KHDRBS3: variants seen among roughly 807,000 people sequenced by gnomAD.
The protein encoded by KHDRBS3 is KH domain-containing, RNA-binding, signal transduction-associated protein 3.
Under a neutral mutation model 45.6 loss-of-function variants are expected in KHDRBS3, and 23 were observed. The observed-to-expected ratio is 0.50, with a 90% CI of 0.36 to 0.72. The LOEUF (loss-of-function observed/expected upper bound fraction) is 0.72. KHDRBS3 is among the 30% of genes least tolerant of loss of function. The pLI, the probability that KHDRBS3 is intolerant of heterozygous loss-of-function variation, is 0.00. For synonymous variants in KHDRBS3, 162 were observed against 156.5 expected (o/e 1.04, Z -0.26); for missense variants, 352 against 424.8 (o/e 0.83, Z 1.51).
intron 6 of KHDRBS3, among the ~76,000 whole-genome samples, chr8:135,594,436 C>CA (rs1310075555): frequency 2.6e-5 from 4 of 152,140 alleles, no homozygotes; most frequent in Non-Finnish European, 5.9e-5. Context: ...TGACCTTACT[C>CA]AAATTGCTCA....
At chr8:135,575,096 A>G (rs1348302486) in intron 5 of KHDRBS3, among the ~76,000 whole-genome samples, 1 of 152,184 alleles carries the variant, frequency 6.6e-6, no homozygotes, top group African/African-American at 2.4e-5. Flanking sequence ...ACCAATTGTT[A>G]TGGTCTAGGA....
chr8:135,645,779 G>A (rs1297387707), intron 8 of KHDRBS3, among the ~76,000 whole-genome samples: 1 of 152,226 alleles, frequency 6.6e-6, no homozygotes, highest in African/African-American at 2.4e-5. Flanking sequence ...AAGAGCCCTT[G>A]CCGCAGGGCA....
At chr8:135,563,994 G>A (rs1186910719) in intron 5 of KHDRBS3, among the ~76,000 whole-genome samples, 1 of 152,200 alleles carries the variant, frequency 6.6e-6, no homozygotes, top group Non-Finnish European at 1.5e-5. Flanking sequence ...GGTGCTTAAT[G>A]TAGTGGTTTT....
chr8:135,623,396 C>A (rs1221231517), intron 7 of KHDRBS3, among the ~76,000 whole-genome samples: 1 of 152,146 alleles, frequency 6.6e-6, no homozygotes, highest in East Asian at 1.9e-4. Flanking sequence ...GCGAGCCGCA[C>A]AGTAAACCTT....
intron 6 of KHDRBS3, among the ~76,000 whole-genome samples, chr8:135,601,735 T>G (rs1179302900): frequency 6.6e-6 from 1 of 152,226 alleles, no homozygotes; most frequent in African/African-American, 2.4e-5. Context: ...TAAGAGTAGA[T>G]TCTAAGCTTA....
intron 7 of KHDRBS3, among the ~76,000 whole-genome samples, chr8:135,626,554 A>G (rs1830369979): frequency 1.3e-5 from 2 of 152,032 alleles, no homozygotes; most frequent in African/African-American, 4.8e-5. Context: ...CTGTAATCCC[A>G]GCACTTTGGG....
chr8:135,459,264 C>T (rs1821300067), intron 1 of KHDRBS3, among the ~76,000 whole-genome samples: 1 of 151,914 alleles, frequency 6.6e-6, no homozygotes, highest in South Asian at 2.1e-4. Context: ...TGTGGTTGAC[C>T]GATGGTGGAG....
chr8:135,473,084 C>T (rs1157940674), intron 1 of KHDRBS3, among the ~76,000 whole-genome samples: 2 of 147,238 alleles, frequency 1.4e-5, no homozygotes, highest in Admixed American at 1.4e-4. Flanking sequence ...AATCTTAAAA[C>T]TCATTACTTC....
At chr8:135,585,023 A>G (rs887850572) in intron 6 of KHDRBS3, among the ~76,000 whole-genome samples, 3 of 151,374 alleles carry the variant, frequency 2.0e-5, no homozygotes, top group African/African-American at 7.3e-5. Context: ...GGAGTTCAAG[A>G]CCAGCCTGGC....
intron 7 of KHDRBS3, among the ~76,000 whole-genome samples, chr8:135,633,814 A>G (rs1176058837): frequency 6.6e-6 from 1 of 152,192 alleles, no homozygotes; most frequent in African/African-American, 2.4e-5. Flanking sequence ...CAGCCTCCCC[A>G]TTATCCACAT....
chr8:135,470,095 C>T (rs1466297165), intron 1 of KHDRBS3, among the ~76,000 whole-genome samples: 1 of 152,178 alleles, frequency 6.6e-6, no homozygotes, highest in African/African-American at 2.4e-5. Context: ...ATTCGTCTTC[C>T]TCTCTGTGAG....
At chr8:135,615,601 G>A (rs1278653979) in intron 7 of KHDRBS3, among the ~76,000 whole-genome samples, 1 of 152,168 alleles carries the variant, frequency 6.6e-6, no homozygotes. Context: ...TACATGGGCA[G>A]ACTTCTTAAA....
intron 7 of KHDRBS3, among the ~76,000 whole-genome samples, chr8:135,642,875 G>A (rs187997949): frequency 6.6e-6 from 1 of 150,674 alleles, no homozygotes; most frequent in African/African-American, 2.4e-5. Flanking sequence ...TCACTGCAAC[G>A]TCCGCCTCCT....
chr8:135,534,465 T>C (rs1825634821), intron 2 of KHDRBS3, among the ~76,000 whole-genome samples: 1 of 152,192 alleles, frequency 6.6e-6, no homozygotes, highest in Non-Finnish European at 1.5e-5. Context: ...TTACATGCTG[T>C]TCTAGACAGT....
chr8:135,502,970 C>T (rs1020132722), intron 1 of KHDRBS3, among the ~76,000 whole-genome samples: 7 of 152,168 alleles, frequency 4.6e-5, no homozygotes, highest in Non-Finnish European at 4.4e-5. Flanking sequence ...TCACACTAGT[C>T]ACCTTTCAAG....
At chr8:135,533,114 G>T (rs1450913430) in intron 2 of KHDRBS3, among the ~76,000 whole-genome samples, 1 of 152,136 alleles carries the variant, frequency 6.6e-6, no homozygotes, top group Non-Finnish European at 1.5e-5. Flanking sequence ...TTTGCTTTCA[G>T]TGTACTGGGG....
intron 7 of KHDRBS3, 39 bp from the exon 8 acceptor site, chr8:135,645,020 A>G (rs1463267989): frequency 1.2e-6 from 2 of 1,602,364 alleles, no homozygotes; most frequent in African/African-American, 1.3e-5. Context: ...ACTCACAGCC[A>G]GATGATTTTG....
At chr8:135,625,555 A>G in intron 7 of KHDRBS3, 3 of 921,820 alleles carry the variant, frequency 3.3e-6, no homozygotes, top group East Asian at 4.8e-5. Flanking sequence ...TCAGAGCTGG[A>G]GCAACGAGAG....
intron 7 of KHDRBS3, among the ~76,000 whole-genome samples, chr8:135,642,085 G>T (rs1476033334): frequency 6.6e-6 from 1 of 152,234 alleles, no homozygotes; most frequent in Non-Finnish European, 1.5e-5. Flanking sequence ...CATGTTTCAT[G>T]TGGGCCCGAC....
Sources: allele counts gnomAD v4.1 joint callset (sites outside exome capture counted in the v4.1 genomes callset), GRCh38; gene constraint gnomAD v4.1.1; transcripts MANE v1.5; gene names NCBI Gene and HGNC (gene_info 2026-07-23, HGNC 2026-07-21).